Variants in ARHGAP24 observed in about 807,000 individuals in gnomAD.
ARHGAP24 encodes rho GTPase-activating protein 24.
A neutral mutation model predicts 76.4 loss-of-function variants in ARHGAP24; 50 were observed. That is an observed-to-expected ratio of 0.65 (90% confidence interval 0.52 to 0.83). The LOEUF (loss-of-function observed/expected upper bound fraction) is 0.83, where lower values mean the gene tolerates loss of function less well. ARHGAP24 is among the 40% of genes least tolerant of loss of function. ARHGAP24 has a pLI of 0.00. For missense variants in ARHGAP24, 930 were observed against 914.2 expected (o/e 1.02, Z -0.22); for synonymous variants, 345 against 323.3 (o/e 1.07, Z -0.72).
At chr4:85,965,825 C>T (rs2148846190) in intron 5 of ARHGAP24, among the ~76,000 whole-genome samples, 1 of 152,226 alleles carries the variant, frequency 6.6e-6, no homozygotes, top group South Asian at 2.1e-4. Flanking sequence ...AGAGTGTTTC[C>T]ATAAATTCAC....
chr4:85,688,649 C>T (rs189753599), intron 2 of ARHGAP24, among the ~76,000 whole-genome samples: 2 of 152,298 alleles, frequency 1.3e-5, no homozygotes, highest in East Asian at 3.9e-4. Flanking sequence ...TTTGCCAAGG[C>T]TAAGGCCAAT....
chr4:85,566,616 G>A (rs1192707734), intron 1 of ARHGAP24, among the ~76,000 whole-genome samples: 1 of 152,160 alleles, frequency 6.6e-6, no homozygotes, highest in Non-Finnish European at 1.5e-5. Context: ...TCCATCTGTT[G>A]ATTCAACAGG....
chr4:85,957,035 C>T (rs1560745029), intron 5 of ARHGAP24, among the ~76,000 whole-genome samples: 1 of 152,188 alleles, frequency 6.6e-6, no homozygotes, highest in East Asian at 1.9e-4. Flanking sequence ...CTGTTTTTGC[C>T]TAATTAGTAT....
intron 1 of ARHGAP24, among the ~76,000 whole-genome samples, chr4:85,524,184 G>A (rs531158073): frequency 1.3e-5 from 2 of 152,156 alleles, no homozygotes; most frequent in East Asian, 1.9e-4. Flanking sequence ...GGAGAATTCC[G>A]CTACAGAATT....
At chr4:85,931,998 A>C (rs531969223) in intron 4 of ARHGAP24, among the ~76,000 whole-genome samples, 1 of 152,266 alleles carries the variant, frequency 6.6e-6, no homozygotes, top group South Asian at 2.1e-4. Context: ...AACAAAAAAA[A>C]ATAAGAAAAA....
intron 3 of ARHGAP24, among the ~76,000 whole-genome samples, chr4:85,764,731 C>T (rs944962521): frequency 5.9e-5 from 9 of 152,160 alleles, no homozygotes; most frequent in South Asian, 2.1e-4. Context: ...GGATCACTTT[C>T]TGAATGCTCA....
intron 5 of ARHGAP24, among the ~76,000 whole-genome samples, chr4:85,958,017 C>T (rs1738025441): frequency 1.3e-5 from 2 of 152,090 alleles, no homozygotes; most frequent in South Asian, 2.1e-4. Flanking sequence ...ATAAAAGTGC[C>T]CAATTAACCA....
chr4:85,774,466 A>G (rs1727236137), intron 3 of ARHGAP24, among the ~76,000 whole-genome samples: 1 of 152,202 alleles, frequency 6.6e-6, no homozygotes, highest in South Asian at 2.1e-4. Flanking sequence ...ACTTCTTAAA[A>G]CCACCTGGAA....
chr4:85,947,746 T>C (rs1737374229), intron 5 of ARHGAP24, among the ~76,000 whole-genome samples: 1 of 152,212 alleles, frequency 6.6e-6, no homozygotes, highest in Non-Finnish European at 1.5e-5. Context: ...AAGTTGTTTA[T>C]TACAAATTGT....
chr4:85,916,873 G>A (rs1735434243), intron 3 of ARHGAP24, among the ~76,000 whole-genome samples: 1 of 152,090 alleles, frequency 6.6e-6, no homozygotes, highest in Admixed American at 6.6e-5. Flanking sequence ...TATTGGAGAT[G>A]ATGCACATAT....
chr4:85,580,139 G>C (rs192238780), intron 2 of ARHGAP24, among the ~76,000 whole-genome samples: 72 of 147,442 alleles, frequency 4.9e-4, no homozygotes, highest in African/African-American at 7.3e-4. Flanking sequence ...TGTGTGGTGG[G>C]GGGGGAGGGT....
intron 2 of ARHGAP24, among the ~76,000 whole-genome samples, chr4:85,603,374 T>A (rs1195264214): frequency 6.6e-6 from 1 of 152,248 alleles, no homozygotes; most frequent in Non-Finnish European, 1.5e-5. Context: ...GCACTTACCA[T>A]CCTTGATACC....
chr4:85,763,874 T>C (rs1726828295), intron 3 of ARHGAP24, among the ~76,000 whole-genome samples: 1 of 152,148 alleles, frequency 6.6e-6, no homozygotes, highest in Non-Finnish European at 1.5e-5. Context: ...TCCTTCACAA[T>C]GAAGGCTTTC....
At chr4:85,930,276 A>T in intron 4 of ARHGAP24, 1 of 985,574 alleles carries the variant, frequency 1.0e-6, no homozygotes, top group Non-Finnish European at 1.2e-6. Context: ...TTCTCTCGGG[A>T]GTTTGAAGAC....
intron 5 of ARHGAP24, 31 bp downstream of exon 5, chr4:85,942,304 A>C: frequency 3.7e-6 from 6 of 1,610,242 alleles, no homozygotes; most frequent in Non-Finnish European, 5.1e-6. Flanking sequence ...AGCCATCTTC[A>C]CTGAGAAATT....
chr4:85,770,255 ATCT>A (rs772400663), intron 3 of ARHGAP24, among the ~76,000 whole-genome samples: 6 of 152,162 alleles, frequency 3.9e-5, no homozygotes, highest in Admixed American at 6.5e-5. Context: ...TCTGGAAGAA[ATCT>A]TCTTCTGTAT....
chr4:85,647,091 G>A (rs1203280631), intron 2 of ARHGAP24, among the ~76,000 whole-genome samples: 1 of 152,036 alleles, frequency 6.6e-6, no homozygotes, highest in Non-Finnish European at 1.5e-5. Flanking sequence ...TAAAAGCTAA[G>A]AGCTTAAATT....
chr4:85,506,717 C>T (rs1419775679), intron 1 of ARHGAP24, among the ~76,000 whole-genome samples: 2 of 152,204 alleles, frequency 1.3e-5, no homozygotes, highest in African/African-American at 4.8e-5. Context: ...AGGCAATGCC[C>T]CGCCCTGCTT....
At chr4:85,621,998 G>T (rs977761060) in intron 2 of ARHGAP24, among the ~76,000 whole-genome samples, 5 of 151,920 alleles carry the variant, frequency 3.3e-5, no homozygotes, top group African/African-American at 1.2e-4. Context: ...TTCTCGCTTA[G>T]AACTTCTTTT....
Sources: gnomAD v4.1 joint callset for allele counts (sites outside exome capture counted in the v4.1 genomes callset) on GRCh38, gnomAD v4.1.1 for gene constraint, MANE v1.5 for transcripts, NCBI Gene and HGNC (gene_info 2026-07-23, HGNC 2026-07-21) for gene names.